Variants in DSC3 observed in about 807,000 individuals in gnomAD.
The protein encoded by DSC3 is desmocollin-3.
In DSC3, 97 loss-of-function variants were observed where a neutral mutation model predicts 89.5. That is an observed-to-expected ratio of 1.08 (90% confidence interval 0.92 to 1.28). The LOEUF (loss-of-function observed/expected upper bound fraction) is 1.28, where lower values mean the gene tolerates loss of function less well. DSC3 is among the 50% of genes most tolerant of loss of function. DSC3 has a pLI of 0.00. For synonymous variants in DSC3, 436 were observed against 384.1 expected (o/e 1.14, Z -1.58); for missense variants, 1,199 against 1,085.3 (o/e 1.10, Z -1.47).
intron 9 of DSC3, among the ~76,000 whole-genome samples, chr18:31,011,320 T>C (rs928766018): frequency 6.6e-6 from 1 of 152,230 alleles, no homozygotes; most frequent in Non-Finnish European, 1.5e-5. Flanking sequence ...AAATGCTGTA[T>C]GTTTTTGTTA....
At position 30,994,253 on chromosome 18, in the gene DSC3, C is replaced by T. The variant is rs1266211301; in HGVS notation, c.2613G>A (p.Gln871=). 1 of 1,614,046 alleles carries T rather than the reference C, an allele frequency of 6.2e-7. No homozygotes were observed. The highest frequency in any genetic ancestry group is 1.1e-5 in the South Asian group (1 of 91,076). Residue 871 remains glutamine, a synonymous_variant, in exon 16 of 16, where the codon CAG becomes CAA. Transcript: ENST00000360428. ...AGSVGCCSEK[Q]EEDGLDFLNN... ...TTAAAAAGTCAAGGCCATCTTCTTC[C>T]TGCTTTTCACTGCAGCAGCCCACAG...
chr18:31,033,846 CAG>C (rs1044201340), intron 1 of DSC3, among the ~76,000 whole-genome samples: 81 of 152,284 alleles, frequency 5.3e-4, no homozygotes, highest in Admixed American at 4.2e-3. Context: ...TGTTTTGAGA[CAG>C]AGTCTCGCTC....
chr18:31,029,542 A>G lies in DSC3; in HGVS notation c.441T>C (p.Asn147=). 1 of 1,613,912 alleles carries G rather than the reference A, an allele frequency of 6.2e-7. No homozygotes were observed. The highest frequency in any genetic ancestry group is 1.1e-5 in the South Asian group (1 of 91,078). The change falls in exon 4 of 16, where the codon AAT becomes AAC. Residue 147 remains asparagine, a synonymous_variant. Coordinates refer to ENST00000360428, the MANE Select transcript of DSC3 (RefSeq NM_001941.5). The part of the protein sequence containing the change: ...WAPIPCSMQE[N]SLGPFPLFLQ... ...GAAACAATGGGAAAGGGCCCAAGGA[A>G]TTCTCTTGCATAGAGCAAGGAATAG...
intron 9 of DSC3, among the ~76,000 whole-genome samples, chr18:31,012,073 T>A (rs1367327927): frequency 6.7e-6 from 1 of 149,950 alleles, no homozygotes; most frequent in African/African-American, 2.5e-5. Context: ...AGCATGGCTA[T>A]CAAAGGAGCC....
rs1984165872 is a variant in DSC3, at chr18:30,989,637, A to G, written c.*4538T>C. ...ATAGCCATGTTTTATGAATTTTACC[A>G]TTTTTTAAGTAAAGGGAAAAGAAGG... On this transcript the variant is annotated 3_prime_UTR_variant, in exon 16 of 16. Coordinates refer to ENST00000360428, the MANE Select transcript of DSC3 (RefSeq NM_001941.5). Among the ~76,000 whole-genome samples, 1 of 152,172 alleles carries G rather than the reference A, an allele frequency of 6.6e-6. No individual in the cohort carries two copies. The highest frequency in any genetic ancestry group is 2.4e-5 in the African/African-American group (1 of 41,452).
At position 31,004,355 on chromosome 18, in the gene DSC3, G is replaced by C. The variant is rs765489929; in HGVS notation, c.1900C>G (p.Arg634Gly). Reference protein sequence around the residue: ...SLTKVNDTAARLSYQKNAGFQ... With the variant: ...SLTKVNDTAAGLSYQKNAGFQ... ...CCAGCATTTTTCTGATATGAAAGAC[G>C]GGCAGCTGTATCTGAAAGAAAATAA... is the stretch of plus-strand genomic sequence containing the variant. Residue 634 changes from arginine (R) to glycine (G), a missense_variant, in exon 13 of 16, where the codon CGT (arginine) becomes GGT (glycine). Transcript: ENST00000360428. 1.9e-6 allele frequency: 3 copies of C among 1,613,312 alleles called. No homozygotes were observed. The highest frequency in any genetic ancestry group is 2.5e-6 in the Non-Finnish European group (3 of 1,179,464).
chr18:31,038,753 G>T (rs886759903), intron 1 of DSC3, among the ~76,000 whole-genome samples: 53 of 151,948 alleles, frequency 3.5e-4, no homozygotes, highest in African/African-American at 1.3e-3. Context: ...GAACATTAGG[G>T]TATTCACGTT....
intron 1 of DSC3, among the ~76,000 whole-genome samples, chr18:31,037,080 C>T (rs1042672280): frequency 7.9e-5 from 12 of 151,914 alleles, no homozygotes; most frequent in Non-Finnish European, 1.2e-4. Context: ...CGTGAGCCAC[C>T]GCACTCGGCC....
intron 13 of DSC3, 28 bp downstream of exon 13, chr18:31,004,114 T>G: frequency 6.5e-7 from 1 of 1,542,466 alleles, no homozygotes; most frequent in Non-Finnish European, 8.9e-7. Flanking sequence ...ATTATATATT[T>G]TAACTTCAAG....
chr18:31,020,096 T>C (rs1035197939), intron 7 of DSC3, among the ~76,000 whole-genome samples: 1 of 152,182 alleles, frequency 6.6e-6, no homozygotes, highest in Non-Finnish European at 1.5e-5. Flanking sequence ...TTGAATCTTA[T>C]GTGCCTGAAG....
intron 1 of DSC3, among the ~76,000 whole-genome samples, chr18:31,035,469 A>G (rs1985940297): frequency 6.6e-6 from 1 of 152,114 alleles, no homozygotes; most frequent in South Asian, 2.1e-4. Flanking sequence ...AACATATCAT[A>G]CATATGCTTA....
chr18:31,017,277 T>A (rs1327044505), intron 9 of DSC3, among the ~76,000 whole-genome samples: 1 of 152,174 alleles, frequency 6.6e-6, no homozygotes, highest in Non-Finnish European at 1.5e-5. Context: ...AATAGAGGTG[T>A]TTGTGTACCA....
chr18:31,031,932 C>T (rs115178169), intron 2 of DSC3, among the ~76,000 whole-genome samples: 2 of 152,280 alleles, frequency 1.3e-5, no homozygotes, highest in African/African-American at 2.4e-5. Flanking sequence ...GTCCATGAGT[C>T]GTGTTTTCAC....
At chr18:31,035,508 G>A (rs1985941756) in intron 1 of DSC3, among the ~76,000 whole-genome samples, 1 of 151,722 alleles carries the variant, frequency 6.6e-6, no homozygotes, top group Non-Finnish European at 1.5e-5. Context: ...GTATATAGTT[G>A]TCACCTTGGG....
At chr18:31,022,597 A>G (rs956298493) in intron 6 of DSC3, 95 bp from the exon 7 acceptor site, 15 of 1,388,660 alleles carry the variant, frequency 1.1e-5, no homozygotes, top group Non-Finnish European at 1.4e-5. Flanking sequence ...CAGTGATGAT[A>G]GAAACCTAAT....
At chr18:31,008,744 G>C (rs992939352) in intron 9 of DSC3, among the ~76,000 whole-genome samples, 1 of 152,130 alleles carries the variant, frequency 6.6e-6, no homozygotes. Flanking sequence ...CATAGAGTTG[G>C]ACAAACGAAA....
chr18:31,030,867 A>G, intron 3 of DSC3, 106 bp downstream of exon 3: 1 of 1,060,598 alleles, frequency 9.4e-7, no homozygotes, highest in Non-Finnish European at 1.4e-6. Flanking sequence ...AACAAAATGA[A>G]AACAAAAGGG....
In DSC3 at chr18:31,022,342, G is replaced by A. The variant is rs147196455; in HGVS notation, c.936C>T (p.Asp312=). ...GVITTVSHYL[D]REVVDKYSLI... ...TATGGAGTGTGTGAGCTACCTCTCTGTCCAAATAATGAGAGACTGTGGTGA... is the reference window on the plus strand; with the variant it reads ...TATGGAGTGTGTGAGCTACCTCTCTATCCAAATAATGAGAGACTGTGGTGA... Residue 312 remains aspartate (D), a synonymous_variant, in exon 7 of 16, where the codon GAC becomes GAT. Coordinates refer to ENST00000360428, the MANE Select transcript of DSC3 (RefSeq NM_001941.5). 24 of 1,613,788 alleles carry A rather than the reference G, an allele frequency of 1.5e-5. No individual in the cohort carries two copies. Among genetic ancestry groups the A allele is most frequent in the Middle Eastern group, 1.6e-4 (1 of 6,080 alleles).
intron 9 of DSC3, among the ~76,000 whole-genome samples, chr18:31,014,160 A>G (rs1348338833): frequency 6.6e-6 from 1 of 152,036 alleles, no homozygotes; most frequent in East Asian, 1.9e-4. Context: ...AATACAGAAT[A>G]TCCATAGGTG....
Sources: allele counts gnomAD v4.1 joint callset (sites outside exome capture counted in the v4.1 genomes callset), GRCh38; gene constraint gnomAD v4.1.1; transcripts MANE v1.5; gene names NCBI Gene and HGNC (gene_info 2026-07-23, HGNC 2026-07-21).